Variants in CCL17 observed in about 807,000 individuals in gnomAD.
The protein encoded by CCL17 is C-C motif chemokine 17.
A neutral mutation model predicts 7.4 loss-of-function variants in CCL17; 8 were observed. That is an observed-to-expected ratio of 1.09 (90% confidence interval 0.64 to 1.96). The LOEUF (loss-of-function observed/expected upper bound fraction) is 1.96. Among genes scored for constraint, CCL17 ranks in the 30% most tolerant of loss-of-function variants. CCL17 has a pLI of 0.00. For missense variants in CCL17, 102 were observed against 113.0 expected (o/e 0.90, Z 0.44); for synonymous variants, 40 against 46.1 (o/e 0.87, Z 0.54).
At chr16:57,405,339 C>G (rs1052785228) in intron 1 of CCL17, among the ~76,000 whole-genome samples, 2 of 152,134 alleles carry the variant, frequency 1.3e-5, no homozygotes, top group Non-Finnish European at 1.5e-5. Flanking sequence ...GAGAAGGAAG[C>G]AAGGAAGCCA....
chr16:57,404,539 A>G (rs1445130514), upstream of CCL17, among the ~76,000 whole-genome samples: 2 of 152,034 alleles, frequency 1.3e-5, no homozygotes, highest in Non-Finnish European at 2.9e-5. Context: ...ATTCAGCTTC[A>G]GACTTGGGGG....
intron 1 of CCL17, among the ~76,000 whole-genome samples, chr16:57,406,693 G>T (rs1404543805): frequency 6.6e-6 from 1 of 152,166 alleles, no homozygotes; most frequent in East Asian, 1.9e-4. Context: ...GATTCCCTGA[G>T]CCAGCTGGAG....
chr16:57,411,896 A>G (rs1275897385), intron 1 of CCL17, among the ~76,000 whole-genome samples: 1 of 152,142 alleles, frequency 6.6e-6, no homozygotes, highest in Non-Finnish European at 1.5e-5. Context: ...GGATGTTGGC[A>G]CCAAAGAGGT....
rs150732845 is a variant in CCL17, at chr16:57,414,576, C to T, written c.71-505C>T. Among the ~76,000 whole-genome samples the T allele has an allele frequency of 3.8e-4, 57 of 151,924 alleles. 1 individual carries two copies. The East Asian group carries it at 5.8e-3, about 15-fold the overall frequency. On this transcript the variant is annotated intron_variant, in intron 2 of 3. Transcript: ENST00000219244. ...TGGGAATATAGGTGCCCGGCCACCACGCCACCAATGGGTTTTCACCATGTT... is the reference window on the plus strand; with the variant it reads ...TGGGAATATAGGTGCCCGGCCACCATGCCACCAATGGGTTTTCACCATGTT...
At chr16:57,405,372 G>A (rs559365430) in intron 1 of CCL17, among the ~76,000 whole-genome samples, 76 of 152,336 alleles carry the variant, frequency 5.0e-4, no homozygotes, top group African/African-American at 1.8e-3. Context: ...AGACAGCGCT[G>A]GGCAGAGTCT....
At chr16:57,401,877 C>G (rs1424811589), upstream of CCL17, among the ~76,000 whole-genome samples, 5 of 152,162 alleles carry the variant, frequency 3.3e-5, no homozygotes, top group African/African-American at 4.8e-5. Flanking sequence ...CACACCCTTG[C>G]TGGGTTTCCA....
At chr16:57,410,751 C>T (rs142918182) in intron 1 of CCL17, among the ~76,000 whole-genome samples, 2 of 152,318 alleles carry the variant, frequency 1.3e-5, no homozygotes, top group East Asian at 1.9e-4. Flanking sequence ...TCAAAAATGT[C>T]CCTGGTCCCC....
chr16:57,415,045 C>A lies in CCL17; in HGVS notation c.71-36C>A. The stretch of plus-strand genomic sequence containing the variant: ...GGTCCCCGCAACACACACGCAGACA[C>A]TCACAGACACCCCTGCCCCGCTCCT... On this transcript the variant is annotated intron_variant, in intron 2 of 3. Transcript: ENST00000219244. This position sits in a 1 kb window ranked among gnomAD's most constrained non-coding sequence, Gnocchi z 4.5. The A allele has an allele frequency of 1.4e-6, 2 of 1,426,124 alleles. No individual in the cohort carries two copies. Among genetic ancestry groups the A allele is most frequent in the Non-Finnish European group, 2.0e-6 (2 of 1,009,110 alleles). 88.3% of individuals were successfully genotyped at this position (1,426,124 alleles called of 1,614,324 possible). A position where few individuals can be genotyped will look rare whatever the true frequency, so the allele number is the denominator to read the frequency against.
At chr16:57,398,674 A>G in the CCL17 span, among the ~76,000 whole-genome samples, 2 of 152,232 alleles carry the variant, frequency 1.3e-5, no homozygotes, top group African/African-American at 4.8e-5. Context: ...TCCTCTGGCT[A>G]AGATTAGGCC....
intron 1 of CCL17, among the ~76,000 whole-genome samples, chr16:57,408,020 CCCAT>C (rs1228838061): frequency 6.6e-6 from 1 of 151,104 alleles, no homozygotes; most frequent in Non-Finnish European, 1.5e-5. Context: ...CATCCATCTA[CCCAT>C]CCATCCATCT....
At chr16:57,408,870 G>T (rs1246794647) in intron 1 of CCL17, among the ~76,000 whole-genome samples, 1 of 151,904 alleles carries the variant, frequency 6.6e-6, no homozygotes, top group Non-Finnish European at 1.5e-5. Context: ...CACTGCGCCT[G>T]GTCATTTTTT....
Position 57,415,693 on chromosome 16 carries a change from G to A in CCL17, c.189-72G>A. 1 of 946,778 alleles carries A rather than the reference G, an allele frequency of 1.1e-6. No homozygotes were observed. Among genetic ancestry groups the A allele is most frequent in the Non-Finnish European group, 1.7e-6 (1 of 576,752 alleles). The allele number at this position is 946,778 out of a possible 1,614,324, so 58.6% of individuals were successfully genotyped here. A position where few individuals can be genotyped will look rare whatever the true frequency, so the allele number is the denominator to read the frequency against. On this transcript the variant is annotated intron_variant, in intron 3 of 3. Coordinates refer to ENST00000219244, the MANE Select transcript of CCL17 (RefSeq NM_002987.3). This position sits in a 1 kb window ranked among gnomAD's most constrained non-coding sequence, Gnocchi z 4.5. ...AGCCTTGGAATCCTGGTCAGCACAG[G>A]GCGGGCCGTCCCAGGGACTCTGGGG...
upstream of CCL17, among the ~76,000 whole-genome samples, chr16:57,400,231 C>T (rs879514707): frequency 2.2e-3 from 334 of 151,818 alleles, 3 homozygotes; most frequent in Admixed American, 0.018. Context: ...TAGTGGCGGG[C>T]GCCTGTAATC....
upstream of CCL17, among the ~76,000 whole-genome samples, chr16:57,400,302 T>C (rs1190280134): frequency 6.6e-6 from 1 of 151,600 alleles, no homozygotes; most frequent in Non-Finnish European, 1.5e-5. Context: ...GAGCTTGCAG[T>C]GAGCTGATAT....
upstream of CCL17, among the ~76,000 whole-genome samples, chr16:57,400,891 C>T (rs1011375558): frequency 6.6e-6 from 1 of 151,932 alleles, no homozygotes; most frequent in Non-Finnish European, 1.5e-5. Flanking sequence ...ATCACTTGAT[C>T]CTGGAGACAG....
upstream of CCL17, among the ~76,000 whole-genome samples, chr16:57,403,662 A>ATT (rs1177863882): frequency 1.1e-5 from 1 of 90,128 alleles, no homozygotes; most frequent in African/African-American, 4.6e-5. Flanking sequence ...ATATATATAT[A>ATT]TATATATTTT....
the CCL17 span, among the ~76,000 whole-genome samples, chr16:57,399,325 T>C: frequency 2.0e-5 from 3 of 151,868 alleles, no homozygotes; most frequent in Non-Finnish European, 4.4e-5. Context: ...CTTTCTAGAG[T>C]GTCAGGGGTA....
chr16:57,413,472 GAGAAGA>G (rs1333022166), intron 1 of CCL17, among the ~76,000 whole-genome samples: 1 of 152,126 alleles, frequency 6.6e-6, no homozygotes, highest in African/African-American at 2.4e-5. Context: ...CATGGTCCAG[GAGAAGA>G]GCTCTGCTTG....
chr16:57,415,640 G>T lies in CCL17; in HGVS notation c.189-125G>T. 1 of 666,466 alleles carries T rather than the reference G, an allele frequency of 1.5e-6. No homozygotes were observed. The highest frequency in any genetic ancestry group is 1.7e-5 in the South Asian group (1 of 59,694). The allele number at this position is 666,466 out of a possible 1,614,324, so 41.3% of individuals were successfully genotyped here. On this transcript the variant is annotated intron_variant, in intron 3 of 3. Coordinates refer to ENST00000219244, the MANE Select transcript of CCL17 (RefSeq NM_002987.3). This position sits in a 1 kb window ranked among gnomAD's most constrained non-coding sequence, Gnocchi z 4.5. ...CAGATCTGCCACCAATGCCCTGTGT[G>T]ACAGCAGCAACTTCCTGCCCCTCTT...
Sources: allele counts gnomAD v4.1 joint callset (sites outside exome capture counted in the v4.1 genomes callset), GRCh38; gene constraint gnomAD v4.1.1; non-coding constraint Gnocchi (gnomAD v3.1); transcripts MANE v1.5; gene names NCBI Gene and HGNC (gene_info 2026-07-23, HGNC 2026-07-21).